Variants in PDS5B observed in about 807,000 individuals in gnomAD.
The protein encoded by PDS5B is PDS5 cohesin associated factor B, also known as sister chromatid cohesion protein PDS5 homolog B.
PDS5B carries 51 observed loss-of-function variants against 184.1 expected under a neutral mutation model. The ratio of observed to expected loss-of-function variants is 0.28; its 90% CI spans 0.22 to 0.35. The LOEUF (loss-of-function observed/expected upper bound fraction) is 0.35. Among genes scored for constraint, PDS5B ranks in the 10% least tolerant of loss-of-function variants. PDS5B has a pLI of 1.00. For missense variants in PDS5B, 1,180 were observed against 1,723.3 expected (o/e 0.68, Z 5.58); for synonymous variants, 566 against 569.2 (o/e 0.99, Z 0.08).
intron 1 of PDS5B, among the ~76,000 whole-genome samples, chr13:32,628,316 G>A (rs2058400381): frequency 6.6e-6 from 1 of 151,960 alleles, no homozygotes; most frequent in African/African-American, 2.4e-5. Context: ...TAGCACTTTG[G>A]GAGGCTATGG....
chr13:32,759,714 T>G (rs750093706), intron 29 of PDS5B, 24 bp downstream of exon 29: 1 of 1,307,456 alleles, frequency 7.6e-7, no homozygotes. Context: ...ATCATTTTAA[T>G]TTTTATGTGG....
chr13:32,644,899 A>T (rs1950180990), intron 1 of PDS5B, among the ~76,000 whole-genome samples: 1 of 152,102 alleles, frequency 6.6e-6, no homozygotes, highest in South Asian at 2.1e-4. Flanking sequence ...CCTTCCCGGG[A>T]TAAACACTTA....
chr13:32,680,166 G>A (rs1951198525), intron 10 of PDS5B, among the ~76,000 whole-genome samples: 1 of 152,026 alleles, frequency 6.6e-6, no homozygotes, highest in Non-Finnish European at 1.5e-5. Flanking sequence ...GAGGCCGTCT[G>A]CTCATGATTA....
chr13:32,722,422 T>C lies in PDS5B; in HGVS notation c.2124-9679T>C, dbSNP rs556478898. Reference sequence around the variant, plus strand: ...CCATATTTTTTCAGTACCTTTTCTATGTTTAGATATACAGATATTTACCAC... The same window carrying C: ...CCATATTTTTTCAGTACCTTTTCTACGTTTAGATATACAGATATTTACCAC... On this transcript the variant is annotated intron_variant, in intron 19 of 34. Coordinates refer to ENST00000315596, the MANE Select transcript of PDS5B (RefSeq NM_015032.4). 3.9e-5 allele frequency among the ~76,000 whole-genome samples: 6 copies of C among 152,314 alleles called. No homozygotes were observed. In the South Asian group the frequency reaches 1.2e-3, roughly 32 times the overall value.
At chr13:32,761,850 G>A (rs1954412347) in intron 30 of PDS5B, among the ~76,000 whole-genome samples, 1 of 152,154 alleles carries the variant, frequency 6.6e-6, no homozygotes, top group Admixed American at 6.5e-5. Context: ...TCAAATGGTA[G>A]TTCTGTTTTA....
intron 19 of PDS5B, among the ~76,000 whole-genome samples, chr13:32,720,092 C>G (rs910207484): frequency 3.3e-5 from 5 of 152,162 alleles, no homozygotes; most frequent in African/African-American, 1.2e-4. Context: ...GCCACTGTGC[C>G]TGGCTGCAAT....
intron 13 of PDS5B, among the ~76,000 whole-genome samples, chr13:32,693,725 G>A (rs1012077790): frequency 6.7e-6 from 1 of 150,284 alleles, no homozygotes; most frequent in Non-Finnish European, 1.5e-5. Context: ...CTTATATATC[G>A]AGTACCTGTA....
chr13:32,615,363 A>G (rs1195203686), intron 1 of PDS5B, among the ~76,000 whole-genome samples: 1 of 152,176 alleles, frequency 6.6e-6, no homozygotes, highest in Non-Finnish European at 1.5e-5. Flanking sequence ...GCAAAATTAT[A>G]TTATCCAAAG....
chr13:32,673,209 T>C lies in PDS5B; in HGVS notation c.706-7T>C, dbSNP rs942620164. 3.7e-6 allele frequency: 6 copies of C among 1,609,548 alleles called. No individual in the cohort carries two copies. The Admixed American group carries it at 8.4e-5, about 22-fold the overall frequency. Reference sequence around the variant, plus strand: ...TACTAATGATAGGCTTTCTTTCTCCTCAAAAGTTTTTTAATCAGGTTCTGA... The same window carrying C: ...TACTAATGATAGGCTTTCTTTCTCCCCAAAAGTTTTTTAATCAGGTTCTGA... On this transcript the variant is annotated splice_polypyrimidine_tract_variant and splice_region_variant and intron_variant, in intron 7 of 34. Transcript: ENST00000315596.
intron 2 of PDS5B, among the ~76,000 whole-genome samples, chr13:32,651,032 C>T (rs1055729200): frequency 6.6e-6 from 1 of 152,148 alleles, no homozygotes; most frequent in Non-Finnish European, 1.5e-5. Context: ...AGGAATAGTG[C>T]AGACTGAGAT....
chr13:32,733,742 A>G (rs1183405373), intron 20 of PDS5B, among the ~76,000 whole-genome samples: 1 of 152,172 alleles, frequency 6.6e-6, no homozygotes, highest in Non-Finnish European at 1.5e-5. Context: ...TGCAAAAAAG[A>G]ATATACGGTG....
chr13:32,707,272 T>C (rs903296295), intron 18 of PDS5B, among the ~76,000 whole-genome samples: 5 of 152,154 alleles, frequency 3.3e-5, no homozygotes, highest in Non-Finnish European at 1.5e-5. Flanking sequence ...TAGTGGAGTA[T>C]AATTCAGGGT....
intron 21 of PDS5B, among the ~76,000 whole-genome samples, chr13:32,736,195 G>A (rs1472917790): frequency 6.6e-6 from 1 of 151,956 alleles, no homozygotes; most frequent in Non-Finnish European, 1.5e-5. Context: ...ATTTTATGCA[G>A]TTAATGTTTA....
chr13:32,700,946 C>A (rs1489431794), intron 16 of PDS5B: 1 of 158,888 alleles, frequency 6.3e-6, no homozygotes, highest in East Asian at 1.8e-4. Flanking sequence ...TTAACAAGCT[C>A]TTCTGATAAT....
At chr13:32,679,808 T>G (rs1951181733) in intron 10 of PDS5B, among the ~76,000 whole-genome samples, 1 of 151,938 alleles carries the variant, frequency 6.6e-6, no homozygotes, top group Admixed American at 6.6e-5. Context: ...CTTAGGGCCA[T>G]CCATTCTTCC....
chr13:32,613,142 T>G lies in PDS5B; in HGVS notation c.-20+26549T>G, dbSNP rs536220965. 1.2e-4 allele frequency among the ~76,000 whole-genome samples: 19 copies of G among 152,354 alleles called. No individual in the cohort carries two copies. In the South Asian group the frequency reaches 3.7e-3, roughly 30 times the overall value. ...CTGTATTACATTTTGCTTATCAGTT[T>G]GATGAGCATTTGGGTTATTTCCATT... On this transcript the variant is annotated intron_variant, in intron 1 of 34. Coordinates refer to ENST00000315596, the MANE Select transcript of PDS5B (RefSeq NM_015032.4).
chr13:32,683,571 C>T lies in PDS5B; in HGVS notation c.1058-307C>T, dbSNP rs778975129. On this transcript the variant is annotated intron_variant, in intron 10 of 34. Transcript: ENST00000315596. ...CTGACCTCAAGTGATCTGCCCGCCTCGGCCTCCCAAAGTGCTGGGATTACA... is the reference window on the plus strand; with the variant it reads ...CTGACCTCAAGTGATCTGCCCGCCTTGGCCTCCCAAAGTGCTGGGATTACA... Among the ~76,000 whole-genome samples, 14 of 152,208 alleles carry T rather than the reference C, an allele frequency of 9.2e-5. No homozygotes were observed. In the South Asian group the frequency reaches 1.0e-3, roughly 11 times the overall value.
rs945081009 is a variant in PDS5B at position 32,678,665 on chromosome 13, T to C, written c.963-170T>C. Among the ~76,000 whole-genome samples the C allele has an allele frequency of 9.2e-5, 14 of 152,216 alleles. 1 individual carries two copies. ...TAGTTTGTATAGAGTTTCCAGAGCA[T>C]TCAGACATACATGTATATCAGAAAC... is the stretch of plus-strand genomic sequence containing the variant. On this transcript the variant is annotated intron_variant, in intron 9 of 34. Transcript: ENST00000315596.
chr13:32,735,385 A>G, intron 21 of PDS5B, 55 bp downstream of exon 21: 1 of 1,254,804 alleles, frequency 8.0e-7, no homozygotes, highest in South Asian at 1.5e-5. Flanking sequence ...TTGCAATTTT[A>G]TCCAACAAGG....
Sources: allele counts gnomAD v4.1 joint callset (sites outside exome capture counted in the v4.1 genomes callset), GRCh38; gene constraint gnomAD v4.1.1; transcripts MANE v1.5; gene names NCBI Gene and HGNC (gene_info 2026-07-23, HGNC 2026-07-21).